RIPOR2: variants seen among roughly 807,000 people sequenced by gnomAD.
The protein encoded by RIPOR2 is rho family-interacting cell polarization regulator 2.
A neutral mutation model predicts 114.5 loss-of-function variants in RIPOR2; 39 were observed. The observed-to-expected ratio is 0.34, with a 90% CI of 0.26 to 0.44. RIPOR2 has a LOEUF of 0.44. Ranked by LOEUF, RIPOR2 falls within the 20% of genes least tolerant of loss-of-function variation. The pLI is 1.00. For synonymous variants in RIPOR2, 445 were observed against 484.4 expected, an observed-to-expected ratio of 0.92 and a Z score of 1.07; for missense variants, 1,007 against 1,255.1, an observed-to-expected ratio of 0.80 and a Z score of 2.99.
intron 1 of RIPOR2, among the ~76,000 whole-genome samples, chr6:25,035,952 G>A (rs1030753489): frequency 1.3e-5 from 2 of 152,202 alleles, no homozygotes; most frequent in Admixed American, 1.3e-4. Flanking sequence ...AGCTGCACGT[G>A]CAGTGAGGAA....
intron 1 of RIPOR2, among the ~76,000 whole-genome samples, chr6:24,972,056 G>A (rs428877): frequency 0.82 from 124,975 of 151,814 alleles, 54,197 homozygotes; most frequent in East Asian, 0.96. Flanking sequence ...TGTAGTGGTA[G>A]GACAGCTACA....
chr6:25,023,305 G>A lies in RIPOR2; in HGVS notation c.76+18546C>T, dbSNP rs150429701. 1,733 of 780,576 alleles carry A rather than the reference G, an allele frequency of 2.2e-3. 20 individuals carry two copies. The highest frequency in any genetic ancestry group is 9.3e-3 in the East Asian group (357 of 38,292). The allele number at this position is 780,576 out of a possible 1,614,324, so 48.4% of individuals were successfully genotyped here. A position where few individuals can be genotyped will look rare whatever the true frequency, so the allele number is the denominator to read the frequency against. On this transcript the variant is annotated intron_variant, in intron 1 of 13. Coordinates refer to the RIPOR2 transcript ENST00000510784. ...GATATTCCTATTCCTTCAGCCTGAGGGAATTGATGTTGATGAACCCGGTGG... is the reference window on the plus strand; with the variant it reads ...GATATTCCTATTCCTTCAGCCTGAGAGAATTGATGTTGATGAACCCGGTGG...
intron 1 of RIPOR2, among the ~76,000 whole-genome samples, chr6:24,952,663 T>C (rs1055455216): frequency 2.2e-4 from 34 of 152,358 alleles, no homozygotes; most frequent in Middle Eastern, 3.4e-3. Context: ...ATGTAATTTA[T>C]TTAATTGCAC....
chr6:24,912,480 C>T (rs1160588044), intron 1 of RIPOR2, among the ~76,000 whole-genome samples: 2 of 145,610 alleles, frequency 1.4e-5, no homozygotes, highest in Non-Finnish European at 3.0e-5. Flanking sequence ...TTTTTTTTGC[C>T]CTTTCATTTC....
chr6:24,968,510 G>A (rs960459431), intron 1 of RIPOR2, among the ~76,000 whole-genome samples: 7 of 152,096 alleles, frequency 4.6e-5, no homozygotes, highest in South Asian at 4.1e-4. Flanking sequence ...ACTAACCAGC[G>A]GTTCTTAGCT....
At chr6:24,861,960 G>A (rs936140292) in intron 7 of RIPOR2, among the ~76,000 whole-genome samples, 3 of 152,216 alleles carry the variant, frequency 2.0e-5, no homozygotes, top group Admixed American at 1.3e-4. Context: ...TTCTGCTCAA[G>A]TGAGTAAGGC....
chr6:24,910,153 T>G (rs758674147), intron 1 of RIPOR2, among the ~76,000 whole-genome samples: 3 of 152,088 alleles, frequency 2.0e-5, no homozygotes, highest in Non-Finnish European at 2.9e-5. Context: ...GCTAGGGTGC[T>G]CCTGTCCTCA....
intron 1 of RIPOR2, among the ~76,000 whole-genome samples, chr6:25,001,501 T>G (rs971802294): frequency 1.3e-5 from 2 of 151,202 alleles, no homozygotes; most frequent in African/African-American, 2.4e-5. Context: ...GGCGGGCACC[T>G]GTAATCCTAG....
intron 1 of RIPOR2, among the ~76,000 whole-genome samples, chr6:24,941,352 T>A (rs1772123473): frequency 6.7e-6 from 1 of 150,022 alleles, no homozygotes; most frequent in Non-Finnish European, 1.5e-5. Context: ...CTGCTGGGAG[T>A]GGTTAGCTTG....
intron 1 of RIPOR2, among the ~76,000 whole-genome samples, chr6:25,025,547 A>T (rs1776573134): frequency 2.6e-5 from 4 of 152,210 alleles, no homozygotes; most frequent in Non-Finnish European, 5.9e-5. Flanking sequence ...TGTGCCTTAA[A>T]AAGAGAAAAA....
intron 1 of RIPOR2, among the ~76,000 whole-genome samples, chr6:24,953,131 C>G (rs1772856983): frequency 1.3e-5 from 2 of 152,202 alleles, no homozygotes; most frequent in South Asian, 4.1e-4. Flanking sequence ...GTCAGGAGTT[C>G]AAGACCAGCC....
chr6:24,855,023 C>CCAAA (rs1763314579), intron 8 of RIPOR2, among the ~76,000 whole-genome samples: 1 of 54,532 alleles, frequency 1.8e-5, no homozygotes, highest in Non-Finnish European at 3.6e-5. Context: ...AACTCCGTCT[C>CCAAA]AAAAAAAAAA....
intron 1 of RIPOR2, among the ~76,000 whole-genome samples, chr6:24,996,660 A>T (rs1469521965): frequency 6.6e-6 from 1 of 152,134 alleles, no homozygotes; most frequent in Non-Finnish European, 1.5e-5. Flanking sequence ...GTTTACTTTC[A>T]ACACCCAGGT....
intron 13 of RIPOR2, among the ~76,000 whole-genome samples, chr6:24,841,029 A>G (rs1432970397): frequency 6.6e-6 from 1 of 152,210 alleles, no homozygotes; most frequent in Non-Finnish European, 1.5e-5. Context: ...AGAAAGGGGC[A>G]GTTGAGGATT....
At chr6:25,038,374 A>G (rs1322982788) in intron 1 of RIPOR2, among the ~76,000 whole-genome samples, 1 of 152,268 alleles carries the variant, frequency 6.6e-6, no homozygotes, top group Non-Finnish European at 1.5e-5. Context: ...ATTATGTTAT[A>G]TGGCAAAAAT....
chr6:24,922,686 C>T (rs774057839), intron 1 of RIPOR2, among the ~76,000 whole-genome samples: 33 of 151,150 alleles, frequency 2.2e-4, no homozygotes, highest in Non-Finnish European at 2.9e-4. Flanking sequence ...GTGGTGAAAC[C>T]CTGTCTCTAC....
chr6:25,039,580 A>T (rs1216024182), intron 1 of RIPOR2, among the ~76,000 whole-genome samples: 5 of 152,220 alleles, frequency 3.3e-5, no homozygotes, highest in Non-Finnish European at 7.3e-5. Context: ...TAGTCTCAAA[A>T]TTTAAGTGAA....
Position 25,039,860 on chromosome 6 carries a change from G to T in RIPOR2, c.76+1991C>A, listed in dbSNP as rs367821094. The stretch of plus-strand genomic sequence containing the variant: ...GGTAAAGGCCCAGAGAAAACTGATG[G>T]CTTCTTCAATTATATCAAAGAAAAA... On this transcript the variant is annotated intron_variant, in intron 1 of 13. Transcript: ENST00000510784. Among the ~76,000 whole-genome samples the T allele has an allele frequency of 1.7e-4, 26 of 152,306 alleles. No individual in the cohort carries two copies. The East Asian group carries it at 3.9e-3, about 23-fold the overall frequency.
intron 1 of RIPOR2, among the ~76,000 whole-genome samples, chr6:24,889,512 C>T (rs1307306944): frequency 6.6e-6 from 1 of 152,078 alleles, no homozygotes; most frequent in Non-Finnish European, 1.5e-5. Flanking sequence ...TAACACATAA[C>T]TATTATGAAA....
Sources: allele counts gnomAD v4.1 joint callset (sites outside exome capture counted in the v4.1 genomes callset), GRCh38; gene constraint gnomAD v4.1.1; transcripts MANE v1.5; gene names NCBI Gene and HGNC (gene_info 2026-07-23, HGNC 2026-07-21).